The following BMP5 variants were observed in gnomAD, a reference collection of about 807,000 sequenced individuals.
The protein encoded by BMP5 is bone morphogenetic protein 5.
BMP5 carries 23 observed loss-of-function variants against 46.6 expected under a neutral mutation model. That is an observed-to-expected ratio of 0.49 (90% CI 0.35 to 0.70). The LOEUF is 0.70. Among genes scored for constraint, BMP5 ranks in the 30% least tolerant of loss-of-function variants. The probability of loss-of-function intolerance (pLI) is 0.00; values close to 1 mark genes in which losing one functional copy is unlikely to be tolerated. For missense variants in BMP5, 545 were observed against 565.6 expected (o/e 0.96, Z 0.37); for synonymous variants, 204 against 191.9 (o/e 1.06, Z -0.52).
intron 3 of BMP5, among the ~76,000 whole-genome samples, chr6:55,786,224 C>T (rs1364369205): frequency 6.6e-6 from 1 of 151,742 alleles, no homozygotes; most frequent in Admixed American, 6.6e-5. Context: ...ACTGTACCCT[C>T]TCTACATATA....
At chr6:55,856,783 A>G (rs1265758064) in intron 1 of BMP5, among the ~76,000 whole-genome samples, 2 of 152,122 alleles carry the variant, frequency 1.3e-5, no homozygotes, top group East Asian at 3.8e-4. Flanking sequence ...AATATATTTC[A>G]AAGCACAATC....
chr6:55,864,969 G>C (rs980678349), intron 1 of BMP5, among the ~76,000 whole-genome samples: 1 of 151,438 alleles, frequency 6.6e-6, no homozygotes, highest in African/African-American at 2.4e-5. Flanking sequence ...ATGGTATTAA[G>C]TAGAAACAAA....
intron 2 of BMP5, among the ~76,000 whole-genome samples, chr6:55,804,449 C>G (rs1775938989): frequency 1.3e-5 from 2 of 152,248 alleles, no homozygotes; most frequent in Middle Eastern, 3.4e-3. Flanking sequence ...TTTGGGAAAC[C>G]TAGCCTTCAG....
At chr6:55,761,216 C>A (rs35695519) in intron 4 of BMP5, among the ~76,000 whole-genome samples, 1 of 151,946 alleles carries the variant, frequency 6.6e-6, no homozygotes, top group African/African-American at 2.4e-5. Context: ...TGCACCTGCT[C>A]TCACGCCCTT....
At chr6:55,830,182 ATGTAT>A (rs1776631453) in intron 1 of BMP5, among the ~76,000 whole-genome samples, 1 of 152,216 alleles carries the variant, frequency 6.6e-6, no homozygotes, top group East Asian at 1.9e-4. Flanking sequence ...GTATTTAAAG[ATGTAT>A]TGTATAATTG....
At chr6:55,781,864 G>C (rs1202107538) in intron 3 of BMP5, among the ~76,000 whole-genome samples, 1 of 151,894 alleles carries the variant, frequency 6.6e-6, no homozygotes, top group Admixed American at 6.6e-5. Flanking sequence ...ACCCACCTCG[G>C]CCTATCATAC....
At chr6:55,776,915 AG>A (rs1276516787) in intron 3 of BMP5, among the ~76,000 whole-genome samples, 1 of 152,072 alleles carries the variant, frequency 6.6e-6, no homozygotes, top group East Asian at 1.9e-4. Context: ...AAAACTGAAA[AG>A]ATGTGTGTAT....
chr6:55,844,880 T>C (rs1024088956), intron 1 of BMP5, among the ~76,000 whole-genome samples: 16 of 152,022 alleles, frequency 1.1e-4, no homozygotes, highest in African/African-American at 3.4e-4. Flanking sequence ...CCTAAATGTT[T>C]AGCTAAAAAT....
rs548450483 is a variant in BMP5, at chr6:55,755,345, C to T, written c.*188G>A. ...ATGAAATAGATTTTATTGATAAAGCCTCCACAGAAGAGAATATATACGTTT... is the reference window on the plus strand; with the variant it reads ...ATGAAATAGATTTTATTGATAAAGCTTCCACAGAAGAGAATATATACGTTT... On this transcript the variant is annotated 3_prime_UTR_variant, in exon 7 of 7. Transcript: ENST00000370830. 15 of 551,944 alleles carry T rather than the reference C, an allele frequency of 2.7e-5. No individual in the cohort carries two copies. The Admixed American group carries it at 4.3e-4, about 16-fold the overall frequency. The allele number at this position is 551,944 out of a possible 1,614,324, so 34.2% of individuals were successfully genotyped here.
intron 1 of BMP5, among the ~76,000 whole-genome samples, chr6:55,856,284 G>A (rs1276980119): frequency 6.6e-6 from 1 of 152,128 alleles, no homozygotes; most frequent in Non-Finnish European, 1.5e-5. Flanking sequence ...GTCACTGAAG[G>A]ATGTTTAAGT....
intron 3 of BMP5, among the ~76,000 whole-genome samples, chr6:55,775,366 G>A (rs1775150872): frequency 6.6e-6 from 1 of 151,494 alleles, no homozygotes; most frequent in Admixed American, 6.6e-5. Context: ...GTTTTTATTA[G>A]GCTCTTCTAA....
At chr6:55,760,406 G>T in intron 5 of BMP5, 51 bp downstream of exon 5, 2 of 1,512,722 alleles carry the variant, frequency 1.3e-6, no homozygotes, top group Non-Finnish European at 1.8e-6. Context: ...ACTTATTAAG[G>T]ATTTATGATA....
chr6:55,842,803 G>A (rs1776994247), intron 1 of BMP5, among the ~76,000 whole-genome samples: 1 of 151,568 alleles, frequency 6.6e-6, no homozygotes, highest in African/African-American at 2.4e-5. Context: ...TTGTTTTGTT[G>A]TGTTATACTT....
At chr6:55,814,361 T>C (rs1776206559) in intron 2 of BMP5, among the ~76,000 whole-genome samples, 1 of 152,202 alleles carries the variant, frequency 6.6e-6, no homozygotes, top group Non-Finnish European at 1.5e-5. Context: ...AATATATTGA[T>C]GAATGTATTT....
chr6:55,819,553 C>CA (rs35777904), intron 2 of BMP5, 102 bp downstream of exon 2: 3 of 997,512 alleles, frequency 3.0e-6, no homozygotes, highest in Non-Finnish European at 4.6e-6. Context: ...ACATTGCCCC[C>CA]AAAAAAATAA....
In BMP5 at chr6:55,819,644, A is replaced by G. The variant is rs1776360795; in HGVS notation, c.683+11T>C. 1 of 1,590,238 alleles carries G rather than the reference A, an allele frequency of 6.3e-7. No individual in the cohort carries two copies. The highest frequency in any genetic ancestry group is 8.6e-7 in the Non-Finnish European group (1 of 1,159,426). ...TTTGCCAGGATAATAAGTTAAATAA[A>G]AAGATTATACCTATTTGTGTATTCC... On this transcript the variant is annotated intron_variant, in intron 2 of 6. Transcript: ENST00000370830.
chr6:55,846,077 G>A (rs1403553311), intron 1 of BMP5, among the ~76,000 whole-genome samples: 1 of 151,754 alleles, frequency 6.6e-6, no homozygotes, highest in Non-Finnish European at 1.5e-5. Context: ...ATTTTCTCAG[G>A]CCCCACACAG....
At position 55,869,560 on chromosome 6, in the gene BMP5, G is replaced by A. The variant is rs3798823; in HGVS notation, c.490+4816C>T. Among the ~76,000 whole-genome samples, 18 of 152,090 alleles carry A rather than the reference G, an allele frequency of 1.2e-4. No individual in the cohort carries two copies. The East Asian group carries it at 3.5e-3, about 29-fold the overall frequency. On this transcript the variant is annotated intron_variant, in intron 1 of 6. Coordinates refer to ENST00000370830, the MANE Select transcript of BMP5 (RefSeq NM_021073.4). ...CAAAAGCTTTTTATAAACTAAACAG[G>A]AATGGCATGTTTGATGAGTGTTATT...
chr6:55,848,760 G>A (rs1338242158), intron 1 of BMP5, among the ~76,000 whole-genome samples: 1 of 151,926 alleles, frequency 6.6e-6, no homozygotes, highest in Non-Finnish European at 1.5e-5. Context: ...CTAAATATGA[G>A]CCAGGTATCA....
Sources: gnomAD v4.1 joint callset for allele counts (sites outside exome capture counted in the v4.1 genomes callset) on GRCh38, gnomAD v4.1.1 for gene constraint, MANE v1.5 for transcripts, NCBI Gene and HGNC (gene_info 2026-07-23, HGNC 2026-07-21) for gene names.